Variants in ZNF382 observed in about 807,000 individuals in gnomAD.
ZNF382 encodes the protein zinc finger protein 382.
Under a neutral mutation model 38.8 loss-of-function variants are expected in ZNF382, and 20 were observed. The observed-to-expected ratio is 0.51, with a 90% CI of 0.36 to 0.75. The LOEUF (loss-of-function observed/expected upper bound fraction) is 0.75, where lower values mean the gene tolerates loss of function less well. Among genes scored for constraint, ZNF382 ranks in the 30% least tolerant of loss-of-function variants. The pLI is 0.00. For missense variants in ZNF382, 546 were observed against 654.1 expected, an observed-to-expected ratio of 0.83 and a Z score of 1.80; for synonymous variants, 202 against 223.1, an observed-to-expected ratio of 0.91 and a Z score of 0.84.
Position 36,626,397 on chromosome 19 carries a change from G to A in ZNF382, c.500G>A (p.Trp167Ter). Residue 167 changes from tryptophan (W) to a stop codon, truncating the protein, a stop_gained, in exon 5 of 5, where the codon TGG becomes TAG. Transcript: ENST00000292928. LOFTEE classifies it high-confidence loss of function. ...IKEKFGDSTG[W>*]EKSLLNTKHE... Reference sequence around the variant, plus strand: ...GAGAAGTTTGGTGACAGTACTGGATGGGAGAAATCACTCCTCAATACCAAG... The same window carrying A: ...GAGAAGTTTGGTGACAGTACTGGATAGGAGAAATCACTCCTCAATACCAAG... 1 of 1,598,516 alleles carries A rather than the reference G, an allele frequency of 6.3e-7. No homozygotes were observed. The highest frequency in any genetic ancestry group is 8.5e-7 in the Non-Finnish European group (1 of 1,175,268).
intron 4 of ZNF382, among the ~76,000 whole-genome samples, chr19:36,617,528 C>T (rs1446287764): frequency 6.6e-6 from 1 of 152,172 alleles, no homozygotes; most frequent in Non-Finnish European, 1.5e-5. Flanking sequence ...AATAATCAAT[C>T]TGTTCCTATC....
chr19:36,617,797 G>A (rs1222932888), intron 4 of ZNF382, among the ~76,000 whole-genome samples: 2 of 152,162 alleles, frequency 1.3e-5, no homozygotes, highest in Non-Finnish European at 2.9e-5. Context: ...ATCACCTGGA[G>A]GGGTTGGTGA....
chr19:36,612,633 TTCATTTTGTCCATTCTGG>T (rs1465394993), intron 4 of ZNF382, among the ~76,000 whole-genome samples: 4 of 152,204 alleles, frequency 2.6e-5, no homozygotes, highest in Non-Finnish European at 5.9e-5. Flanking sequence ...ACATTTTATG[TTCATTTTGTCCATTCTGG>T]TCATTTTGAC....
intron 4 of ZNF382, among the ~76,000 whole-genome samples, chr19:36,621,745 A>G (rs2145329823): frequency 6.6e-6 from 1 of 152,246 alleles, no homozygotes; most frequent in Non-Finnish European, 1.5e-5. Flanking sequence ...TGCAAATACT[A>G]CACTATTTTA....
In ZNF382 at chr19:36,626,625, A is replaced by G. The variant is rs1000181299; in HGVS notation, c.728A>G (p.Asn243Ser). The part of the protein sequence containing the change: ...AHRGERTFEY[N>S]KDGIAFIEKS... Reference sequence around the variant, plus strand: ...AGAGGAGAAAGAACCTTTGAATACAATAAAGATGGAATTGCCTTCATAGAA... The same window carrying G: ...AGAGGAGAAAGAACCTTTGAATACAGTAAAGATGGAATTGCCTTCATAGAA... The change falls in exon 5 of 5, where the codon AAT (asparagine) becomes AGT (serine). Residue 243 changes from asparagine (N) to serine (S), a missense_variant. By Grantham distance (46) the Asn-to-Ser change is conservative. Coordinates refer to ENST00000292928, the MANE Select transcript of ZNF382 (RefSeq NM_032825.5). 2 of 1,614,214 alleles carry G rather than the reference A, an allele frequency of 1.2e-6. No individual in the cohort carries two copies. Among genetic ancestry groups the G allele is most frequent in the Admixed American group, 1.7e-5 (1 of 60,024 alleles).
At chr19:36,624,363 C>T (rs959506996) in intron 4 of ZNF382, among the ~76,000 whole-genome samples, 44 of 152,202 alleles carry the variant, frequency 2.9e-4, no homozygotes, top group African/African-American at 1.1e-3. Context: ...TTGTGTAATA[C>T]ATGACACAGT....
chr19:36,616,946 A>G (rs1260948458), intron 4 of ZNF382, among the ~76,000 whole-genome samples: 1 of 152,050 alleles, frequency 6.6e-6, no homozygotes, highest in East Asian at 1.9e-4. Flanking sequence ...CCACCTGTCA[A>G]AGGATTCAGG....
At chr19:36,613,217 T>G (rs976327931) in intron 4 of ZNF382, among the ~76,000 whole-genome samples, 4 of 152,198 alleles carry the variant, frequency 2.6e-5, no homozygotes, top group Non-Finnish European at 5.9e-5. Flanking sequence ...TTTTCCCTAG[T>G]CTATGACTTG....
chr19:36,620,873 C>T (rs1443039600), intron 4 of ZNF382, among the ~76,000 whole-genome samples: 2 of 151,992 alleles, frequency 1.3e-5, no homozygotes, highest in Non-Finnish European at 2.9e-5. Flanking sequence ...ATCCTCTCTC[C>T]TCAGCCTTCC....
intron 4 of ZNF382, among the ~76,000 whole-genome samples, chr19:36,615,022 G>T (rs556764128): frequency 8.1e-6 from 1 of 123,858 alleles, no homozygotes; most frequent in Non-Finnish European, 1.6e-5. Flanking sequence ...TCTCTCTGTC[G>T]CCCAGGCTGG....
chr19:36,613,550 C>T (rs536646943), intron 4 of ZNF382, among the ~76,000 whole-genome samples: 120 of 151,940 alleles, frequency 7.9e-4, no homozygotes, highest in Non-Finnish European at 1.4e-3. Flanking sequence ...AAGCGATTCT[C>T]CTGCCTCAGC....
chr19:36,616,834 C>T (rs550259551), intron 4 of ZNF382, among the ~76,000 whole-genome samples: 64 of 152,132 alleles, frequency 4.2e-4, no homozygotes, highest in Non-Finnish European at 7.6e-4. Context: ...TTGAGTGCCC[C>T]CAATGTGGGG....
chr19:36,615,283 C>G (rs2037117204), intron 4 of ZNF382, among the ~76,000 whole-genome samples: 1 of 152,084 alleles, frequency 6.6e-6, no homozygotes, highest in South Asian at 2.1e-4. Context: ...TGCCCCCCGA[C>G]TATTTTTAGT....
chr19:36,615,600 C>A (rs980302884), intron 4 of ZNF382, among the ~76,000 whole-genome samples: 1 of 152,126 alleles, frequency 6.6e-6, no homozygotes, highest in African/African-American at 2.4e-5. Context: ...ACAAAACTAG[C>A]CAGCCTCTCA....
chr19:36,620,721 T>C (rs2037162233), intron 4 of ZNF382, among the ~76,000 whole-genome samples: 1 of 152,168 alleles, frequency 6.6e-6, no homozygotes, highest in African/African-American at 2.4e-5. Flanking sequence ...TAATAATTGC[T>C]ATCTTTACTC....
intron 4 of ZNF382, among the ~76,000 whole-genome samples, chr19:36,612,178 G>T (rs566107201): frequency 6.6e-6 from 1 of 152,338 alleles, no homozygotes; most frequent in East Asian, 1.9e-4. Flanking sequence ...GATAATCACA[G>T]TTGTGATGTC....
At chr19:36,621,950 C>T (rs1268348601) in intron 4 of ZNF382, among the ~76,000 whole-genome samples, 1 of 152,016 alleles carries the variant, frequency 6.6e-6, no homozygotes. Context: ...GTACAGTAAT[C>T]CATCCAAGAC....
chr19:36,609,159 C>T (rs1390325296), intron 2 of ZNF382: 2 of 152,252 alleles, frequency 1.3e-5, no homozygotes, highest in Middle Eastern at 3.4e-3. Flanking sequence ...ATGTATAAGA[C>T]GGTCTATTGG....
At chr19:36,624,482 C>A (rs1330094442) in intron 4 of ZNF382, among the ~76,000 whole-genome samples, 1 of 152,050 alleles carries the variant, frequency 6.6e-6, no homozygotes, top group African/African-American at 2.4e-5. Flanking sequence ...ATTGCCCTCC[C>A]AAATATGGAT....
Sources: allele counts gnomAD v4.1 joint callset (sites outside exome capture counted in the v4.1 genomes callset), GRCh38; gene constraint gnomAD v4.1.1; transcripts MANE v1.5; gene names NCBI Gene and HGNC (gene_info 2026-07-23, HGNC 2026-07-21).